Variants in CLTCL1 observed in about 807,000 individuals in gnomAD.
CLTCL1 encodes clathrin heavy chain 2.
A neutral mutation model predicts 190.0 loss-of-function variants in CLTCL1; 159 were observed. The ratio of observed to expected loss-of-function variants is 0.84; its 90% CI spans 0.74 to 0.95. CLTCL1 has a LOEUF of 0.95. Among genes scored for constraint, CLTCL1 ranks in the 40% least tolerant of loss-of-function variants. CLTCL1 has a pLI of 0.00. For missense variants in CLTCL1, 1,878 were observed against 2,033.4 expected, an observed-to-expected ratio of 0.92 and a Z score of 1.47; for synonymous variants, 752 against 769.6, an observed-to-expected ratio of 0.98 and a Z score of 0.38.
At position 19,248,556 on chromosome 22, in the gene CLTCL1, C is replaced by T. The variant is rs117914458; in HGVS notation, c.519+5403G>A. Among the ~76,000 whole-genome samples the T allele has an allele frequency of 4.6e-5, 7 of 152,298 alleles. No homozygotes were observed. The East Asian group carries it at 1.4e-3, about 29-fold the overall frequency. ...CCCTATTAGCATTCAATCCTCATTC[C>T]TATCTCCCAGACTCCACCTCCAGTC... is the stretch of plus-strand genomic sequence containing the variant. On this transcript the variant is annotated intron_variant, in intron 3 of 32. Coordinates refer to ENST00000427926, the MANE Select transcript of CLTCL1 (RefSeq NM_007098.4).
At chr22:19,286,211 C>A (rs1202354382) in intron 1 of CLTCL1, among the ~76,000 whole-genome samples, 2 of 152,106 alleles carry the variant, frequency 1.3e-5, no homozygotes, top group Non-Finnish European at 2.9e-5. Flanking sequence ...TCCAAAGAGT[C>A]CCCATTCAAA....
At chr22:19,262,118 C>T (rs904273616) in intron 2 of CLTCL1, among the ~76,000 whole-genome samples, 4 of 151,954 alleles carry the variant, frequency 2.6e-5, no homozygotes, top group African/African-American at 7.2e-5. Flanking sequence ...CTCCACCTCC[C>T]GGATTCAAGC....
At chr22:19,272,404 G>A (rs1228219070) in intron 2 of CLTCL1, among the ~76,000 whole-genome samples, 3 of 152,110 alleles carry the variant, frequency 2.0e-5, no homozygotes, top group Admixed American at 6.5e-5. Context: ...GGGAGTTCAC[G>A]GCCAGGCATG....
Position 19,196,531 on chromosome 22 carries a change from C to T in CLTCL1, c.3999G>A (p.Leu1333=). Residue 1333 remains leucine (L), a synonymous_variant, in exon 25 of 33, where the codon CTG becomes CTA. Transcript: ENST00000427926. ...GGGACCAGAAAAGCTCCAGATGCTC[C>T]AGCATCTTCTGTGGCTTGAATTTGG... The part of the protein sequence containing the change: ...LYSKFKPQKM[L]EHLELFWSRV... 1.2e-6 allele frequency: 2 copies of T among 1,614,082 alleles called. No individual in the cohort carries two copies. Among genetic ancestry groups the T allele is most frequent in the Non-Finnish European group, 1.7e-6 (2 of 1,179,900 alleles).
chr22:19,273,931 C>T (rs1199736122), intron 2 of CLTCL1, among the ~76,000 whole-genome samples: 1 of 152,108 alleles, frequency 6.6e-6, no homozygotes, highest in Admixed American at 6.6e-5. Flanking sequence ...CAAGTGTGTT[C>T]CTGGTGGTCT....
At chr22:19,218,534 T>G (rs1026145324) in intron 18 of CLTCL1, among the ~76,000 whole-genome samples, 7 of 152,208 alleles carry the variant, frequency 4.6e-5, no homozygotes, top group Admixed American at 3.3e-4. Flanking sequence ...AATCCAGCCC[T>G]CAAGCCTTTC....
At chr22:19,285,704 A>G (rs11912880) in intron 1 of CLTCL1, among the ~76,000 whole-genome samples, 8,867 of 152,294 alleles carry the variant, frequency 0.058, 325 homozygotes, top group Middle Eastern at 0.16. Context: ...AAAATGTGGG[A>G]GAAGAGCCTG....
chr22:19,235,862 G>A lies in CLTCL1; in HGVS notation c.803C>T (p.Ala268Val), dbSNP rs781933717. 1 of 1,613,166 alleles carries A rather than the reference G, an allele frequency of 6.2e-7. No homozygotes were observed. Among genetic ancestry groups the A allele is most frequent in the South Asian group, 1.1e-5 (1 of 90,814 alleles). ...GATCAAGTAAATAACACCATGTTTA[G>A]CTCCAATCTATAAGAAGACAGAGAG... ...NDFPVAMQIG[A>V]KHGVIYLITK... Residue 268 changes from alanine (A) to valine (V), a missense_variant, in exon 6 of 33, where the codon GCT (alanine) becomes GTT (valine). Transcript: ENST00000427926.
In CLTCL1 at chr22:19,224,164, G is replaced by A. The variant is rs1324235362; in HGVS notation, c.2129-110C>T. On this transcript the variant is annotated intron_variant, in intron 13 of 32. Coordinates refer to ENST00000427926, the MANE Select transcript of CLTCL1 (RefSeq NM_007098.4). ...CTGCTCCACTCTCCAGGGACCCACA[G>A]CACACTCAGAACTCATAATCAATAT... is the stretch of plus-strand genomic sequence containing the variant. 1.9e-5 allele frequency: 21 copies of A among 1,082,152 alleles called. No individual in the cohort carries two copies. In the East Asian group the frequency reaches 5.3e-4, roughly 27 times the overall value. The allele number at this position is 1,082,152 out of a possible 1,614,324, so 67.0% of individuals were successfully genotyped here.
intron 13 of CLTCL1, 122 bp from the exon 14 acceptor site, chr22:19,224,176 C>G (rs1555954411): frequency 1.1e-6 from 1 of 931,328 alleles, no homozygotes; most frequent in Non-Finnish European, 1.6e-6. Flanking sequence ...ACACTCAGAA[C>G]TCATAATCAA....
At chr22:19,272,515 G>A (rs1296354928) in intron 2 of CLTCL1, among the ~76,000 whole-genome samples, 1 of 152,166 alleles carries the variant, frequency 6.6e-6, no homozygotes, top group Admixed American at 6.5e-5. Context: ...TTGTTGCCCA[G>A]GCTAGAGTGC....
At chr22:19,230,401 G>A (rs1182215012) in intron 10 of CLTCL1, among the ~76,000 whole-genome samples, 1 of 152,060 alleles carries the variant, frequency 6.6e-6, no homozygotes, top group Non-Finnish European at 1.5e-5. Flanking sequence ...ACTGCGCCCG[G>A]CCCCTTTCCA....
At chr22:19,215,341 A>C (rs1398756252) in intron 19 of CLTCL1, among the ~76,000 whole-genome samples, 1 of 152,240 alleles carries the variant, frequency 6.6e-6, no homozygotes, top group African/African-American at 2.4e-5. Context: ...AATAAATCTC[A>C]TAACTAAATC....
At chr22:19,188,172 C>T (rs942444973) in intron 27 of CLTCL1, 81 bp from the exon 28 acceptor site, 39 of 1,260,642 alleles carry the variant, frequency 3.1e-5, no homozygotes, top group Non-Finnish European at 3.8e-5. Context: ...TGGGCACGTG[C>T]GTGCCATCCA....
intron 11 of CLTCL1, among the ~76,000 whole-genome samples, 197 bp downstream of exon 11, chr22:19,229,641 C>T (rs2085856565): frequency 1.3e-5 from 2 of 152,220 alleles, no homozygotes; most frequent in East Asian, 1.9e-4. Flanking sequence ...CTAATTAGAA[C>T]TGTTTCCATG....
chr22:19,282,338 AAAAG>A (rs2146349277), intron 1 of CLTCL1, among the ~76,000 whole-genome samples: 1 of 151,334 alleles, frequency 6.6e-6, no homozygotes, highest in African/African-American at 2.4e-5. Flanking sequence ...CAAAAAAAAA[AAAAG>A]AAATAGGCAA....
chr22:19,241,182 G>C (rs2086242587), intron 4 of CLTCL1, among the ~76,000 whole-genome samples: 1 of 152,228 alleles, frequency 6.6e-6, no homozygotes, highest in Non-Finnish European at 1.5e-5. Flanking sequence ...ATGCCCACCA[G>C]AAAGCTAGGT....
chr22:19,278,361 G>A (rs1237935959), intron 1 of CLTCL1, among the ~76,000 whole-genome samples: 1 of 152,124 alleles, frequency 6.6e-6, no homozygotes, highest in Non-Finnish European at 1.5e-5. Context: ...AAACTGGACG[G>A]AAGCACCAAG....
rs150890875 is a variant in CLTCL1, at chr22:19,237,393, C to T, written c.796-1524G>A. ...ACCGGATACATATGAGTGGCTGATA[C>T]ATCAATTCTGCCTTGATGGTAACCA... On this transcript the variant is annotated intron_variant, in intron 5 of 32. Coordinates refer to ENST00000427926, the MANE Select transcript of CLTCL1 (RefSeq NM_007098.4). Among the ~76,000 whole-genome samples, 146 of 152,204 alleles carry T rather than the reference C, an allele frequency of 9.6e-4. 1 individual carries two copies. Among genetic ancestry groups the T allele is most frequent in the African/African-American group, 3.3e-3 (136 of 41,528 alleles).
Sources: allele counts gnomAD v4.1 joint callset (sites outside exome capture counted in the v4.1 genomes callset), GRCh38; gene constraint gnomAD v4.1.1; transcripts MANE v1.5; gene names NCBI Gene and HGNC (gene_info 2026-07-23, HGNC 2026-07-21).